MGRN1: variants seen among roughly 807,000 people sequenced by gnomAD.
MGRN1 encodes mahogunin ring finger 1.
In MGRN1, 29 loss-of-function variants were observed where a neutral mutation model predicts 69.2. That is an observed-to-expected ratio of 0.42 (90% CI 0.31 to 0.57). The LOEUF (loss-of-function observed/expected upper bound fraction) is 0.57. Among genes scored for constraint, MGRN1 ranks in the 20% least tolerant of loss-of-function variants. The probability of loss-of-function intolerance (pLI) is 0.15; values close to 1 mark genes in which losing one functional copy is unlikely to be tolerated. For synonymous variants in MGRN1, 470 were observed against 344.2 expected (o/e 1.37, Z -4.04); for missense variants, 998 against 796.2 (o/e 1.25, Z -3.05).
chr16:4,687,226 T>A, intron 16 of MGRN1: 1 of 985,004 alleles, frequency 1.0e-6, no homozygotes, highest in Non-Finnish European at 1.2e-6. Context: ...AGAGGCGCCC[T>A]CTACCAGGGT....
In MGRN1 at chr16:4,689,900, G is replaced by A. The variant is rs550352642; in HGVS notation, c.*992G>A. ...CCTGCCTTAGGCTCCTGAGTAGCTG[G>A]GGATTACAGGTGCCTACCAGCATGC... On this transcript the variant is annotated 3_prime_UTR_variant, in exon 17 of 17. Coordinates refer to ENST00000262370, the MANE Select transcript of MGRN1 (RefSeq NM_015246.4). 3 of 152,244 alleles carry A rather than the reference G, an allele frequency of 2.0e-5. No homozygotes were observed. The highest frequency in any genetic ancestry group is 4.1e-4 in the South Asian group (2 of 4,820). 9.4% of individuals were successfully genotyped at this position (152,244 alleles called of 1,614,324 possible).
chr16:4,628,106 G>A (rs1348086868), intron 1 of MGRN1, among the ~76,000 whole-genome samples: 16 of 148,944 alleles, frequency 1.1e-4, no homozygotes, highest in Non-Finnish European at 7.4e-5. Flanking sequence ...AAGAATTGTG[G>A]GTGGGTGCGG....
intron 16 of MGRN1, 106 bp from the exon 17 acceptor site, chr16:4,688,690 G>T (rs1416320345): frequency 6.9e-7 from 1 of 1,453,018 alleles, no homozygotes; most frequent in Non-Finnish European, 9.1e-7. Flanking sequence ...GGCGGGAGTG[G>T]GGGTGCTGGA....
intron 5 of MGRN1, among the ~76,000 whole-genome samples, chr16:4,660,578 C>G (rs2078654140): frequency 6.6e-6 from 1 of 152,226 alleles, no homozygotes; most frequent in Non-Finnish European, 1.5e-5. Flanking sequence ...CATTCCAGGC[C>G]TGGGCAGAAG....
intron 7 of MGRN1, among the ~76,000 whole-genome samples, chr16:4,665,428 G>C (rs1453496289): frequency 1.3e-5 from 2 of 151,048 alleles, no homozygotes; most frequent in African/African-American, 4.9e-5. Flanking sequence ...TCAGTGGCGT[G>C]ATCTCTCTCG....
intron 1 of MGRN1, among the ~76,000 whole-genome samples, 190 bp downstream of exon 1, chr16:4,625,238 C>CG (rs1567159236): frequency 5.9e-5 from 9 of 152,150 alleles, no homozygotes; most frequent in African/African-American, 2.2e-4. Flanking sequence ...GGAACCTGCC[C>CG]GAGCCGTACC....
chr16:4,683,397 G>GC lies in MGRN1; in HGVS notation c.1528+134dup, dbSNP rs1213120726. The GC allele has an allele frequency of 3.2e-5, 36 of 1,114,178 alleles. 1 individual carries two copies. The highest frequency in any genetic ancestry group is 8.8e-5 in the South Asian group (6 of 68,454). 69.0% of individuals were successfully genotyped at this position (1,114,178 alleles called of 1,614,324 possible). ...TGCCCCAGGAACCCTCGGCCAAGAG[G>GC]CCCCCCTCGGCGGCACTGGGATCCC... On this transcript the variant is annotated intron_variant, in intron 15 of 16. Transcript: ENST00000262370.
At chr16:4,634,778 G>A (rs1010611007) in intron 1 of MGRN1, 9 of 152,248 alleles carry the variant, frequency 5.9e-5, no homozygotes, top group Non-Finnish European at 1.3e-4. Flanking sequence ...ACCTGAGGCC[G>A]TTAGAAGAAA....
Position 4,681,628 on chromosome 16 carries a change from G to C in MGRN1, c.1210G>C (p.Ala404Pro). 1 of 1,613,458 alleles carries C rather than the reference G, an allele frequency of 6.2e-7. No homozygotes were observed. The highest frequency in any genetic ancestry group is 8.5e-7 in the Non-Finnish European group (1 of 1,180,000). The change falls in exon 13 of 17, where the codon GCC (alanine) becomes CCC (proline). Residue 404 changes from alanine (A) to proline (P), a missense_variant. By Grantham distance (27) the Ala-to-Pro change is conservative. Transcript: ENST00000262370. ...CAACGGCCTCCGGGCTGTCTCCCCG[G>C]CCATCCCCTCGGCCCCTCTTTATGA... Reference protein sequence around the residue: ...ALNGLRAVSPAIPSAPLYEEI... With the variant: ...ALNGLRAVSPPIPSAPLYEEI...
At position 4,673,656 on chromosome 16, in the gene MGRN1, G is replaced by T. The variant is rs200606627; in HGVS notation, c.954G>T (p.Leu318=). ...YQANNCPICR[L]PFRALLQIRA... Reference sequence around the variant, plus strand: ...CCAACAACTGCCCCATCTGCCGGCTGCGTGAGTTCCCCGGCCGGCTGTTCT... The same window carrying T: ...CCAACAACTGCCCCATCTGCCGGCTTCGTGAGTTCCCCGGCCGGCTGTTCT... Residue 318 remains leucine, a splice_region_variant and synonymous_variant, in exon 10 of 17, where the codon CTG becomes CTT. Coordinates refer to ENST00000262370, the MANE Select transcript of MGRN1 (RefSeq NM_015246.4). The T allele has an allele frequency of 2.6e-4, 413 of 1,612,756 alleles. 3 individuals are homozygous for T. The African/African-American group carries it at 5.0e-3, about 20-fold the overall frequency.
intron 5 of MGRN1, chr16:4,658,908 G>C (rs2078614116): frequency 3.9e-5 from 6 of 152,104 alleles, no homozygotes; most frequent in Admixed American, 3.9e-4. Flanking sequence ...GAGGTGGGAA[G>C]ATCGCCTGAG....
At chr16:4,632,257 G>A (rs943264029) in intron 1 of MGRN1, among the ~76,000 whole-genome samples, 52 of 151,240 alleles carry the variant, frequency 3.4e-4, no homozygotes, top group African/African-American at 1.1e-3. Context: ...CTTTTGACCC[G>A]CCTACCTCAG....
intron 16 of MGRN1, among the ~76,000 whole-genome samples, chr16:4,685,385 C>T (rs1188131162): frequency 1.3e-5 from 2 of 152,372 alleles, no homozygotes; most frequent in East Asian, 3.9e-4. Flanking sequence ...GAGGCCAGGA[C>T]TCCGAGTCTC....
chr16:4,630,354 C>CAA (rs112834942), intron 1 of MGRN1, among the ~76,000 whole-genome samples: 2,692 of 118,298 alleles, frequency 0.023, 69 homozygotes, highest in African/African-American at 0.055. Flanking sequence ...GACGCCGTCT[C>CAA]AAAAAAAAAA....
chr16:4,681,635 C>T lies in MGRN1; in HGVS notation c.1217C>T (p.Pro406Leu). The change falls in exon 13 of 17, where the codon CCC (proline) becomes CTC (leucine). Residue 406 changes from proline to leucine, a missense_variant. Pro to Leu is a moderately conservative substitution (Grantham distance 98). Coordinates refer to ENST00000262370, the MANE Select transcript of MGRN1 (RefSeq NM_015246.4). ...CTCCGGGCTGTCTCCCCGGCCATCCCCTCGGCCCCTCTTTATGAAGAAATC... is the reference window on the plus strand; with the variant it reads ...CTCCGGGCTGTCTCCCCGGCCATCCTCTCGGCCCCTCTTTATGAAGAAATC... ...NGLRAVSPAI[P>L]SAPLYEEITY... 1 of 1,613,522 alleles carries T rather than the reference C, an allele frequency of 6.2e-7. No individual in the cohort carries two copies. The highest frequency in any genetic ancestry group is 1.1e-5 in the South Asian group (1 of 91,086).
intron 12 of MGRN1, 148 bp from the exon 13 acceptor site, chr16:4,681,402 G>A: frequency 4.4e-6 from 3 of 686,652 alleles, no homozygotes; most frequent in Non-Finnish European, 4.8e-6. Flanking sequence ...GAGGGCATCG[G>A]TGCTGCCAGG....
At chr16:4,639,031 T>A (rs1351885487) in intron 1 of MGRN1, among the ~76,000 whole-genome samples, 1 of 152,150 alleles carries the variant, frequency 6.6e-6, no homozygotes, top group Non-Finnish European at 1.5e-5. Context: ...CTCTCACTGG[T>A]TGTGTGACCT....
At chr16:4,636,844 G>C (rs1898319101) in intron 1 of MGRN1, among the ~76,000 whole-genome samples, 1 of 152,098 alleles carries the variant, frequency 6.6e-6, no homozygotes. Flanking sequence ...GAGTGGCCAG[G>C]CTCAGTGGCT....
chr16:4,643,081 A>G (rs2078197791), intron 1 of MGRN1, among the ~76,000 whole-genome samples: 1 of 151,840 alleles, frequency 6.6e-6, no homozygotes, highest in South Asian at 2.1e-4. Flanking sequence ...TCAGCCTCCT[A>G]AGTAGCTGGG....
Sources: gnomAD v4.1 joint callset for allele counts (sites outside exome capture counted in the v4.1 genomes callset) on GRCh38, gnomAD v4.1.1 for gene constraint, MANE v1.5 for transcripts, NCBI Gene and HGNC (gene_info 2026-07-23, HGNC 2026-07-21) for gene names.